DENND2B: variants seen among roughly 807,000 people sequenced by gnomAD.
The protein encoded by DENND2B is DENN domain-containing protein 2B.
A neutral mutation model predicts 116.0 loss-of-function variants in DENND2B; 32 were observed. The ratio of observed to expected loss-of-function variants is 0.28; its 90% CI spans 0.21 to 0.37. DENND2B has a LOEUF of 0.37. Ranked by LOEUF, DENND2B falls within the 10% of genes least tolerant of loss-of-function variation. DENND2B has a pLI of 1.00. For synonymous variants in DENND2B, 588 were observed against 583.9 expected, an observed-to-expected ratio of 1.01 and a Z score of -0.10; for missense variants, 1,276 against 1,477.7, an observed-to-expected ratio of 0.86 and a Z score of 2.24.
At chr11:8,803,820 G>A (rs117570248) in intron 1 of DENND2B, among the ~76,000 whole-genome samples, 1,825 of 152,296 alleles carry the variant, frequency 0.012, 17 homozygotes, top group Middle Eastern at 0.061. Flanking sequence ...CCTCAGAGCT[G>A]GCTGCAAAGC....
In DENND2B at chr11:8,695,354, GC is replaced by G; in HGVS notation, c.3379+108del. 5.9e-6 allele frequency: 6 copies of G among 1,024,982 alleles called. No homozygotes were observed. In the Admixed American group the frequency reaches 1.1e-4, roughly 18 times the overall value. The allele number at this position is 1,024,982 out of a possible 1,614,324, so 63.5% of individuals were successfully genotyped here. A position where few individuals can be genotyped will look rare whatever the true frequency, so the allele number is the denominator to read the frequency against. The stretch of plus-strand genomic sequence containing the variant: ...ATGTCTACATCCTGTTCTGTCTACA[GC>G]CCCAGTATAACACCTGTTGACATTG... On this transcript the variant is annotated intron_variant, in intron 19 of 19. Transcript: ENST00000313726.
chr11:8,721,569 G>C (rs1035780213), intron 4 of DENND2B, among the ~76,000 whole-genome samples: 19 of 152,248 alleles, frequency 1.2e-4, no homozygotes, highest in African/African-American at 4.6e-4. Context: ...CTCTCACACA[G>C]GACAGAAAGG....
At chr11:8,758,601 A>G (rs2054018828) in intron 1 of DENND2B, among the ~76,000 whole-genome samples, 2 of 152,206 alleles carry the variant, frequency 1.3e-5, no homozygotes, top group South Asian at 2.1e-4. Context: ...TTAGTTGTCA[A>G]GCTTAAGAAA....
chr11:8,704,783 C>T (rs2042310496), intron 13 of DENND2B, among the ~76,000 whole-genome samples: 1 of 152,192 alleles, frequency 6.6e-6, no homozygotes, highest in East Asian at 1.9e-4. Context: ...CTACAATCTT[C>T]ACCTCCCGAG....
intron 1 of DENND2B, among the ~76,000 whole-genome samples, chr11:8,775,169 C>T (rs972553653): frequency 6.6e-6 from 1 of 152,158 alleles, no homozygotes; most frequent in Non-Finnish European, 1.5e-5. Context: ...ACGTGGGCCA[C>T]TGTGCCTGGC....
At chr11:8,703,800 A>C (rs563816493) in intron 13 of DENND2B, among the ~76,000 whole-genome samples, 13 of 152,260 alleles carry the variant, frequency 8.5e-5, no homozygotes, top group Admixed American at 7.8e-4. Context: ...AGGGCATGGT[A>C]ACGGTCTGTG....
intron 14 of DENND2B, among the ~76,000 whole-genome samples, chr11:8,700,343 G>C (rs931128110): frequency 3.9e-5 from 6 of 152,194 alleles, no homozygotes; most frequent in Admixed American, 2.0e-4. Flanking sequence ...AGAAGTGTGA[G>C]ACACAGAAGC....
chr11:8,821,906 C>T (rs889064292), intron 4 of DENND2B, among the ~76,000 whole-genome samples: 1 of 152,186 alleles, frequency 6.6e-6, no homozygotes, highest in African/African-American at 2.4e-5. Flanking sequence ...ATTCTCCCAC[C>T]TCAGCTTCCC....
At chr11:8,705,386 G>A (rs912805475) in intron 13 of DENND2B, among the ~76,000 whole-genome samples, 14 of 152,020 alleles carry the variant, frequency 9.2e-5, no homozygotes, top group African/African-American at 3.1e-4. Context: ...ATCTTGCCAC[G>A]CCTCATCCTG....
In DENND2B at chr11:8,702,965, G is replaced by GA. The variant is rs34508505; in HGVS notation, c.2572-246dup. ...GTGAAAGCGGGGAAGGCTCCAGAAG[G>GA]AAGGAGTTGAGGGGCCATCCATCGG... On this transcript the variant is annotated intron_variant, in intron 13 of 19. Coordinates refer to ENST00000313726, the MANE Select transcript of DENND2B (RefSeq NM_213618.2). This position sits in a 1 kb window ranked among gnomAD's most constrained non-coding sequence, Gnocchi z 4.6. The GA allele has an allele frequency of 0.011, 5,959 of 519,810 alleles. 58 individuals are homozygous for GA. Among genetic ancestry groups the GA allele is most frequent in the Non-Finnish European group, 0.016 (4,583 of 292,748 alleles). 32.2% of individuals were successfully genotyped at this position (519,810 alleles called of 1,614,324 possible).
Position 8,730,580 on chromosome 11 carries a change from T to TAGG in DENND2B, c.707_709dup (p.Ser236dup). The TAGG allele has an allele frequency of 6.2e-7, 1 of 1,613,170 alleles. No homozygotes were observed. The stretch of plus-strand genomic sequence containing the variant: ...CTCTCCCTCCTCCTCAGTCTCTGGG[T>TAGG]AGGAACACTCGGAGAAGGTCCTGCT... On this transcript the variant is annotated inframe_insertion, in exon 3 of 20. Coordinates refer to ENST00000313726, the MANE Select transcript of DENND2B (RefSeq NM_213618.2). This position sits in a 1 kb window ranked among gnomAD's most constrained non-coding sequence, Gnocchi z 4.1.
intron 8 of DENND2B, 90 bp downstream of exon 8, chr11:8,713,908 A>G (rs2044244739): frequency 7.7e-6 from 11 of 1,428,086 alleles, no homozygotes; most frequent in Non-Finnish European, 9.8e-6. Context: ...CCGGTTAGGG[A>G]CACTGGAACC....
Position 8,718,743 on chromosome 11 carries a change from T to C in DENND2B, c.1478-851A>G, listed in dbSNP as rs2045579619. 4.6e-6 allele frequency: 5 copies of C among 1,083,332 alleles called. No homozygotes were observed. The African/African-American group carries it at 6.6e-5, about 14-fold the overall frequency. The allele number at this position is 1,083,332 out of a possible 1,614,324, so 67.1% of individuals were successfully genotyped here. A position where few individuals can be genotyped will look rare whatever the true frequency, so the allele number is the denominator to read the frequency against. On this transcript the variant is annotated intron_variant, in intron 4 of 19. Coordinates refer to ENST00000313726, the MANE Select transcript of DENND2B (RefSeq NM_213618.2). ...GTTCTAAAATCTCTGGCAGCGGGCA[T>C]TGTATTGGCATTACCAGAAAATCTC...
At chr11:8,740,904 G>A (rs2050080586) in intron 2 of DENND2B, among the ~76,000 whole-genome samples, 1 of 152,218 alleles carries the variant, frequency 6.6e-6, no homozygotes, top group Admixed American at 6.5e-5. Context: ...GGAGAAAAAG[G>A]AGGAAGAGTG....
chr11:8,854,016 ATTTTTTTTTTTTTTTT>A lies in DENND2B; in HGVS notation c.-156+3311_-156+3326del, dbSNP rs71059187. 1.1e-3 allele frequency among the ~76,000 whole-genome samples: 67 copies of A among 62,778 alleles called. 1 individual carries two copies. The highest frequency in any genetic ancestry group is 3.7e-3 in the African/African-American group (60 of 16,086). 41.2% of individuals were successfully genotyped at this position (62,778 alleles called of 152,430 possible). A position where few individuals can be genotyped will look rare whatever the true frequency, so the allele number is the denominator to read the frequency against. On this transcript the variant is annotated intron_variant, in intron 3 of 6. Coordinates refer to the DENND2B transcript ENST00000524757. ...GGTGAATGCCACCATGCCCCAGTTA[ATTTTTTTTTTTTTTTT>A]TTTTTTTTTTTTTTTGTAGAGACAG...
chr11:8,882,998 A>C (rs2063918983), intron 1 of DENND2B, among the ~76,000 whole-genome samples: 1 of 152,210 alleles, frequency 6.6e-6, no homozygotes. Flanking sequence ...AATCAATCAA[A>C]TAATTTTTAA....
chr11:8,805,040 A>G (rs1233932840), intron 1 of DENND2B, among the ~76,000 whole-genome samples: 1 of 152,208 alleles, frequency 6.6e-6, no homozygotes, highest in East Asian at 1.9e-4. Flanking sequence ...CCACAACTCT[A>G]TCAAGTCAAG....
chr11:8,718,598 C>G, intron 4 of DENND2B: 1 of 1,349,488 alleles, frequency 7.4e-7, no homozygotes, highest in Non-Finnish European at 9.5e-7. Context: ...AAAAAGAGAA[C>G]CATCAACACT....
intron 2 of DENND2B, chr11:8,877,627 T>C (rs2063858483): frequency 6.6e-6 from 1 of 152,194 alleles, no homozygotes; most frequent in Non-Finnish European, 1.5e-5. Flanking sequence ...TAATGAATTA[T>C]CTCCAGATAA....
Sources: allele counts gnomAD v4.1 joint callset (sites outside exome capture counted in the v4.1 genomes callset), GRCh38; gene constraint gnomAD v4.1.1; non-coding constraint Gnocchi (gnomAD v3.1); transcripts MANE v1.5; gene names NCBI Gene and HGNC (gene_info 2026-07-23, HGNC 2026-07-21).